Variants in CUX2 observed in about 807,000 individuals in gnomAD.
CUX2 encodes homeobox protein cut-like 2.
A neutral mutation model predicts 144.8 loss-of-function variants in CUX2; 40 were observed. The observed-to-expected ratio is 0.28, with a 90% confidence interval of 0.21 to 0.36. CUX2 has a LOEUF of 0.36. CUX2 is among the 10% of genes least tolerant of loss of function. The pLI is 1.00. For missense variants in CUX2, 1,615 were observed against 1,994.0 expected (o/e 0.81, Z 3.62); for synonymous variants, 827 against 875.6 (o/e 0.94, Z 0.98).
At chr12:111,176,811 T>C (rs1261082882) in intron 1 of CUX2, among the ~76,000 whole-genome samples, 1 of 152,122 alleles carries the variant, frequency 6.6e-6, no homozygotes, top group Non-Finnish European at 1.5e-5. Flanking sequence ...TCCTCTCCCA[T>C]TCATTCCCCA....
In CUX2 at chr12:111,347,989, G is replaced by A. The variant is rs562323690; in HGVS notation, c.4125G>A (p.Pro1375=). 121 of 1,614,038 alleles carry A rather than the reference G, an allele frequency of 7.5e-5. No individual in the cohort carries two copies. Among genetic ancestry groups the A allele is most frequent in the Admixed American group, 6.3e-4 (38 of 60,002 alleles). ...GTGAGGCCGGGGAGCGACTTCACCC[G>A]GACCCTTTAAGTTTTAAGTCAGCCT... ...QESEAGERLH[P]DPLSFKSASE... Residue 1375 remains proline (P), a synonymous_variant, in exon 22 of 22, where the codon CCG becomes CCA. Coordinates refer to ENST00000261726, the MANE Select transcript of CUX2 (RefSeq NM_015267.4).
intron 6 of CUX2, among the ~76,000 whole-genome samples, chr12:111,294,388 G>A (rs970799336): frequency 5.1e-4 from 78 of 152,160 alleles, no homozygotes; most frequent in African/African-American, 1.8e-3. Flanking sequence ...GATTACAGGT[G>A]TAAGTCTGTG....
intron 21 of CUX2, among the ~76,000 whole-genome samples, chr12:111,343,854 A>T (rs1233230681): frequency 1.3e-5 from 2 of 152,226 alleles, no homozygotes; most frequent in African/African-American, 4.8e-5. Flanking sequence ...TGAGGTCAGG[A>T]GCTCAAGACC....
intron 8 of CUX2, among the ~76,000 whole-genome samples, chr12:111,297,726 A>T (rs1296701897): frequency 2.6e-5 from 4 of 152,222 alleles, no homozygotes; most frequent in Admixed American, 2.0e-4. Flanking sequence ...ACATGAGAAC[A>T]TGACCCGGTC....
Position 111,295,017 on chromosome 12 carries a change from C to G in CUX2, c.561-316C>G, listed in dbSNP as rs1301299092. 6.6e-6 allele frequency among the ~76,000 whole-genome samples: 1 copy of G among 152,120 alleles called. No homozygotes were observed. Among genetic ancestry groups the G allele is most frequent in the Non-Finnish European group, 1.5e-5 (1 of 68,030 alleles). On this transcript the variant is annotated intron_variant, in intron 6 of 21. Transcript: ENST00000261726. This position sits in a 1 kb window ranked among gnomAD's most constrained non-coding sequence, Gnocchi z 5.0. ...CCACTGAGCATGCTTCACAGTACCC[C>G]CTGAGGCAGACCCTATCAGAAACCT...
intron 18 of CUX2, among the ~76,000 whole-genome samples, chr12:111,329,995 G>T (rs1366268720): frequency 6.9e-6 from 1 of 145,944 alleles, no homozygotes. Context: ...ACAGTGGGCA[G>T]ACACCTAGGA....
rs1041744037 is a variant in CUX2 at position 111,299,111 on chromosome 12, A to G, written c.753+522A>G. The stretch of plus-strand genomic sequence containing the variant: ...TGAGTGCCCACCATGTCTGTCCCCC[A>G]GCTCCCTGCAATGCCACCAGCCAGA... On this transcript the variant is annotated intron_variant, in intron 9 of 21. Transcript: ENST00000261726. Among the ~76,000 whole-genome samples, 10 of 152,288 alleles carry G rather than the reference A, an allele frequency of 6.6e-5. No homozygotes were observed. In the East Asian group the frequency reaches 1.7e-3, roughly 26 times the overall value.
At chr12:111,253,476 C>G (rs1451276271) in intron 3 of CUX2, among the ~76,000 whole-genome samples, 1 of 152,228 alleles carries the variant, frequency 6.6e-6, no homozygotes, top group Non-Finnish European at 1.5e-5. Flanking sequence ...ACGCCTTCCC[C>G]TCCTGTGGCC....
chr12:111,288,233 G>C (rs1885494652), intron 4 of CUX2, among the ~76,000 whole-genome samples: 1 of 152,014 alleles, frequency 6.6e-6, no homozygotes, highest in African/African-American at 2.4e-5. Context: ...GAGGTGGGAA[G>C]GTAAGAAGAA....
intron 1 of CUX2, among the ~76,000 whole-genome samples, chr12:111,148,660 T>C (rs935272049): frequency 6.6e-6 from 1 of 152,200 alleles, no homozygotes; most frequent in Admixed American, 6.5e-5. Context: ...AAGTATCTCC[T>C]GTAATTCCTC....
At chr12:111,157,622 G>T (rs1877478714) in intron 1 of CUX2, among the ~76,000 whole-genome samples, 1 of 152,226 alleles carries the variant, frequency 6.6e-6, no homozygotes, top group African/African-American at 2.4e-5. Flanking sequence ...TACATGAAAA[G>T]TCCAGTTGAC....
chr12:111,092,259 A>G (rs1872597322), intron 1 of CUX2, among the ~76,000 whole-genome samples: 4 of 152,204 alleles, frequency 2.6e-5, no homozygotes, highest in Admixed American at 2.6e-4. Context: ...GAAGGGCTCC[A>G]GCTGTTAGTC....
At position 111,078,540 on chromosome 12, in the gene CUX2, T is replaced by C. The variant is rs534108925; in HGVS notation, c.63+44300T>C. ...AATAAATTAGTTGGATGTGGTGGCA[T>C]GCACTTGTGGTCCCAGCTACTCAGG... On this transcript the variant is annotated intron_variant, in intron 1 of 21. Transcript: ENST00000261726. Among the ~76,000 whole-genome samples, 4 of 152,254 alleles carry C rather than the reference T, an allele frequency of 2.6e-5. No individual in the cohort carries two copies. In the East Asian group the frequency reaches 7.7e-4, roughly 29 times the overall value.
chr12:111,312,624 C>T lies in CUX2; in HGVS notation c.2002+423C>T, dbSNP rs999654546. On this transcript the variant is annotated intron_variant, in intron 16 of 21. Transcript: ENST00000261726. This position sits in a 1 kb window ranked among gnomAD's most constrained non-coding sequence, Gnocchi z 4.3. ...CTGAGGCAGGAGAATTGCTTGAACC[C>T]GGGAGGCGGAGGTTGCAGTGAGCCG... 4.6e-5 allele frequency among the ~76,000 whole-genome samples: 7 copies of T among 151,582 alleles called. No homozygotes were observed. The highest frequency in any genetic ancestry group is 1.2e-4 in the African/African-American group (5 of 41,286).
intron 1 of CUX2, among the ~76,000 whole-genome samples, chr12:111,170,760 T>C (rs1021051885): frequency 6.6e-6 from 1 of 152,020 alleles, no homozygotes; most frequent in Non-Finnish European, 1.5e-5. Context: ...AAAGAGGAAC[T>C]TTGACATCAC....
At chr12:111,319,433 A>G (rs57690016) in intron 16 of CUX2, among the ~76,000 whole-genome samples, 4,798 of 152,078 alleles carry the variant, frequency 0.032, 221 homozygotes, top group East Asian at 0.1. Flanking sequence ...TGGTTGGATC[A>G]TTGCCTATGT....
chr12:111,055,508 G>A (rs1438095649), intron 1 of CUX2, among the ~76,000 whole-genome samples: 1 of 152,232 alleles, frequency 6.6e-6, no homozygotes, highest in African/African-American at 2.4e-5. Context: ...TTCATCTCTG[G>A]AAAAAAATTA....
chr12:111,247,323 C>T (rs749441629), intron 3 of CUX2, among the ~76,000 whole-genome samples: 43 of 152,210 alleles, frequency 2.8e-4, no homozygotes, highest in Non-Finnish European at 5.7e-4. Context: ...TCCACAGATA[C>T]GTCCAGAAAG....
chr12:111,109,308 G>A (rs1432769835), intron 1 of CUX2, among the ~76,000 whole-genome samples: 1 of 152,186 alleles, frequency 6.6e-6, no homozygotes, highest in African/African-American at 2.4e-5. Context: ...CTCTTTATTT[G>A]CTGGTTTTCA....
Sources: allele counts gnomAD v4.1 joint callset (sites outside exome capture counted in the v4.1 genomes callset), GRCh38; gene constraint gnomAD v4.1.1; non-coding constraint Gnocchi (gnomAD v3.1); transcripts MANE v1.5; gene names NCBI Gene and HGNC (gene_info 2026-07-23, HGNC 2026-07-21).